JADE1: variants seen among roughly 807,000 people sequenced by gnomAD.
The protein encoded by JADE1 is protein Jade-1.
A neutral mutation model predicts 81.8 loss-of-function variants in JADE1; 14 were observed. That is an observed-to-expected ratio of 0.17 (90% CI 0.11 to 0.27). The LOEUF (loss-of-function observed/expected upper bound fraction) is 0.27. JADE1 is among the 10% of genes least tolerant of loss of function. The pLI is 1.00. For missense variants in JADE1, 690 were observed against 1,047.9 expected, an observed-to-expected ratio of 0.66 and a Z score of 4.71; for synonymous variants, 353 against 391.9, an observed-to-expected ratio of 0.90 and a Z score of 1.17.
chr4:128,845,208 C>T (rs1210437764), intron 3 of JADE1, among the ~76,000 whole-genome samples: 1 of 152,190 alleles, frequency 6.6e-6, no homozygotes, highest in Non-Finnish European at 1.5e-5. Flanking sequence ...TGCTCCACCC[C>T]AGGGGCAGGC....
Position 128,849,179 on chromosome 4 carries a change from T to C in JADE1, c.484+12T>C, listed in dbSNP as rs1730131602. ...ATTTAAGGAGATGGGTGAGAGACCA[T>C]GTATTCTATTATTTTATTAACCAAT... On this transcript the variant is annotated intron_variant, in intron 5 of 10. Coordinates refer to ENST00000226319, the MANE Select transcript of JADE1 (RefSeq NM_199320.4). 1 of 1,588,696 alleles carries C rather than the reference T, an allele frequency of 6.3e-7. No individual in the cohort carries two copies.
chr4:128,830,613 G>T (rs4975268), intron 1 of JADE1, among the ~76,000 whole-genome samples: 72,028 of 152,074 alleles, frequency 0.47, 20,408 homozygotes, highest in South Asian at 0.63. Context: ...TTCTGAGAGG[G>T]TGGATGGGTA....
intron 1 of JADE1, among the ~76,000 whole-genome samples, chr4:128,813,879 A>G (rs1050006646): frequency 6.6e-6 from 1 of 151,986 alleles, no homozygotes; most frequent in Non-Finnish European, 1.5e-5. Context: ...GTTTCCTGCT[A>G]TTTCCTTTGG....
chr4:128,839,614 C>T (rs1286640598), intron 2 of JADE1, among the ~76,000 whole-genome samples: 1 of 152,048 alleles, frequency 6.6e-6, no homozygotes, highest in South Asian at 2.1e-4. Context: ...GATTAGTTTG[C>T]ATTTCTAGAG....
At chr4:128,811,139 G>T (rs1726315059) in intron 1 of JADE1, 1 of 152,312 alleles carries the variant, frequency 6.6e-6, no homozygotes, top group Non-Finnish European at 1.5e-5. Flanking sequence ...TTGCAAATGC[G>T]GGAGAGGGAT....
At chr4:128,863,173 G>A (rs935705237) in intron 9 of JADE1, 21 of 985,488 alleles carry the variant, frequency 2.1e-5, no homozygotes, top group South Asian at 9.4e-5. Context: ...CCGTCTGGAC[G>A]TCCCTTCCTG....
intron 1 of JADE1, chr4:128,810,384 C>T (rs938506991): frequency 6.8e-6 from 1 of 146,272 alleles, no homozygotes; most frequent in African/African-American, 2.5e-5. Flanking sequence ...ATGCGGTTTT[C>T]AGGTGAATCA....
rs767961972 is a variant in JADE1 at position 128,817,123 on chromosome 4, T to G, written c.-27+7246T>G. On this transcript the variant is annotated intron_variant, in intron 1 of 10. Coordinates refer to ENST00000226319, the MANE Select transcript of JADE1 (RefSeq NM_199320.4). ...ACCCACCTACCTCGGCCTCCCAAAG[T>G]GCTAGATTACAGGTGTGAACCACCA... is the stretch of plus-strand genomic sequence containing the variant. 4.6e-5 allele frequency among the ~76,000 whole-genome samples: 7 copies of G among 152,138 alleles called. No homozygotes were observed. The South Asian group carries it at 1.5e-3, about 32-fold the overall frequency.
At chr4:128,840,174 A>G (rs766842709) in intron 2 of JADE1, among the ~76,000 whole-genome samples, 3 of 152,184 alleles carry the variant, frequency 2.0e-5, no homozygotes, top group Non-Finnish European at 2.9e-5. Flanking sequence ...AATGAGTGTC[A>G]TTATTTGGGT....
Position 128,874,073 on chromosome 4 carries a change from A to AAGAC in JADE1, c.*1812_*1815dup, listed in dbSNP as rs1732395477. The AAGAC allele has an allele frequency of 1.3e-5, 2 of 152,656 alleles. No individual in the cohort carries two copies. The highest frequency in any genetic ancestry group is 2.9e-5 in the Non-Finnish European group (2 of 68,040). 9.5% of individuals were successfully genotyped at this position (152,656 alleles called of 1,614,324 possible). On this transcript the variant is annotated 3_prime_UTR_variant, in exon 11 of 11. Coordinates refer to ENST00000226319, the MANE Select transcript of JADE1 (RefSeq NM_199320.4). Reference sequence around the variant, plus strand: ...TTTTGAGTTATGGGGCTCATTTTGAAAGACTGCTGTCCAGATCAGCTTGTT... The same window carrying AAGAC: ...TTTTGAGTTATGGGGCTCATTTTGAAAGACAGACTGCTGTCCAGATCAGCTTGTT...
intron 1 of JADE1, among the ~76,000 whole-genome samples, chr4:128,820,960 C>T (rs2125802193): frequency 6.6e-6 from 1 of 152,282 alleles, no homozygotes; most frequent in South Asian, 2.1e-4. Flanking sequence ...GCTTACTCCA[C>T]CAAGGATGGA....
rs573646440 is a variant in JADE1 at position 128,831,551 on chromosome 4, C to G, written c.-26-182C>G. On this transcript the variant is annotated intron_variant, in intron 1 of 10. Coordinates refer to ENST00000226319, the MANE Select transcript of JADE1 (RefSeq NM_199320.4). ...CCACCCCTCCCCCTCCTTTTTTAAC[C>G]TGGTTTGTTAATGATTGCACCTAAT... is the stretch of plus-strand genomic sequence containing the variant. 48 of 542,666 alleles carry G rather than the reference C, an allele frequency of 8.8e-5. No homozygotes were observed. The East Asian group carries it at 1.4e-3, about 16-fold the overall frequency. The allele number at this position is 542,666 out of a possible 1,614,324, so 33.6% of individuals were successfully genotyped here. A position where few individuals can be genotyped will look rare whatever the true frequency, so the allele number is the denominator to read the frequency against.
At chr4:128,843,096 T>C in intron 3 of JADE1, 58 bp downstream of exon 3, 1 of 1,395,236 alleles carries the variant, frequency 7.2e-7, no homozygotes, top group Non-Finnish European at 1.0e-6. Context: ...ATATGCCTAG[T>C]TGAGTGGTAT....
chr4:128,829,237 G>A (rs1728328388), intron 1 of JADE1, among the ~76,000 whole-genome samples: 1 of 152,150 alleles, frequency 6.6e-6, no homozygotes. Context: ...CAGATTGCCT[G>A]GTTATGGGTG....
intron 9 of JADE1, among the ~76,000 whole-genome samples, chr4:128,865,699 G>T (rs1259779205): frequency 6.6e-6 from 1 of 152,082 alleles, no homozygotes; most frequent in Non-Finnish European, 1.5e-5. Flanking sequence ...TTGCTTTTTG[G>T]GTTTACATTT....
intron 1 of JADE1, chr4:128,812,043 A>G (rs1726463751): frequency 1.3e-5 from 2 of 151,104 alleles, no homozygotes; most frequent in Admixed American, 1.3e-4. Context: ...TGGCTTCTGG[A>G]CGCGAGGGAG....
Position 128,859,546 on chromosome 4 carries a change from T to G in JADE1, c.981+2092T>G, listed in dbSNP as rs1318374809. On this transcript the variant is annotated intron_variant, in intron 8 of 10. Transcript: ENST00000226319. ...GCTTGTGTATGTGTGTATGCATGCG[T>G]GTATATGTGTATGTGTGTGAGTATG... 4.5e-5 allele frequency among the ~76,000 whole-genome samples: 5 copies of G among 111,372 alleles called. 1 individual carries two copies. The East Asian group carries it at 9.7e-4, about 22-fold the overall frequency. 73.1% of individuals were successfully genotyped at this position (111,372 alleles called of 152,430 possible). A position where few individuals can be genotyped will look rare whatever the true frequency, so the allele number is the denominator to read the frequency against.
At chr4:128,830,207 C>T (rs1728428672) in intron 1 of JADE1, among the ~76,000 whole-genome samples, 1 of 150,332 alleles carries the variant, frequency 6.7e-6, no homozygotes, top group Non-Finnish European at 1.5e-5. Flanking sequence ...CCACACCATT[C>T]CTATGTGCCC....
At chr4:128,824,362 G>C (rs1579114287) in intron 1 of JADE1, among the ~76,000 whole-genome samples, 1 of 152,114 alleles carries the variant, frequency 6.6e-6, no homozygotes, top group African/African-American at 2.4e-5. Context: ...GGAGCTTGCA[G>C]TGAGCTGAGT....
Sources: allele counts gnomAD v4.1 joint callset (sites outside exome capture counted in the v4.1 genomes callset), GRCh38; gene constraint gnomAD v4.1.1; transcripts MANE v1.5; gene names NCBI Gene and HGNC (gene_info 2026-07-23, HGNC 2026-07-21).